The following SEPTIN9 variants were observed in gnomAD, a reference collection of about 807,000 sequenced individuals.
SEPTIN9 encodes the protein septin-9.
A neutral mutation model predicts 56.6 loss-of-function variants in SEPTIN9; 13 were observed. That is an observed-to-expected ratio of 0.23 (90% CI 0.15 to 0.37). The LOEUF (loss-of-function observed/expected upper bound fraction) is 0.37, where lower values mean the gene tolerates loss of function less well. Ranked by LOEUF, SEPTIN9 falls within the 10% of genes least tolerant of loss-of-function variation. The pLI, the probability that SEPTIN9 is intolerant of heterozygous loss-of-function variation, is 1.00. For synonymous variants in SEPTIN9, 332 were observed against 334.1 expected (o/e 0.99, Z 0.07); for missense variants, 650 against 823.1 (o/e 0.79, Z 2.57).
rs749011325 is a variant in SEPTIN9, at chr17:77,369,118, G to A, written c.77-32941G>A. Among the ~76,000 whole-genome samples the A allele has an allele frequency of 2.6e-5, 4 of 152,030 alleles. No individual in the cohort carries two copies. Among genetic ancestry groups the A allele is most frequent in the African/African-American group, 9.7e-5 (4 of 41,378 alleles). On this transcript the variant is annotated intron_variant, in intron 2 of 11. Transcript: ENST00000427177. The surrounding 1 kb of genome is among the most constrained non-coding windows in gnomAD (Gnocchi z 4.9). Reference sequence around the variant, plus strand: ...GAGTGGTGGCGGGTGCCTGTAATCCGAGCTACTTGGGAGGCTGAGGCAGGA... The same window carrying A: ...GAGTGGTGGCGGGTGCCTGTAATCCAAGCTACTTGGGAGGCTGAGGCAGGA...
intron 2 of SEPTIN9, among the ~76,000 whole-genome samples, chr17:77,370,192 C>T (rs1046999792): frequency 6.6e-6 from 1 of 152,184 alleles, no homozygotes; most frequent in South Asian, 2.1e-4. Flanking sequence ...GGAATGTGTC[C>T]TCTCACAGTT....
chr17:77,475,992 A>T lies in SEPTIN9; in HGVS notation c.722-6152A>T. ...AAGACAGGGGAATGGCATTGACTTG[A>T]CCCTGAGCACTTTGTCCTGGGGTGC... On this transcript the variant is annotated intron_variant, in intron 3 of 11. Coordinates refer to ENST00000427177, the MANE Select transcript of SEPTIN9 (RefSeq NM_001113491.2). The surrounding 1 kb of genome is among the most constrained non-coding windows in gnomAD (Gnocchi z 4.6). The T allele has an allele frequency of 7.2e-7, 1 of 1,382,624 alleles. No homozygotes were observed. The highest frequency in any genetic ancestry group is 1.0e-6 in the Non-Finnish European group (1 of 1,001,664). 85.6% of individuals were successfully genotyped at this position (1,382,624 alleles called of 1,614,324 possible).
Position 77,497,295 on chromosome 17 carries a change from C to T in SEPTIN9, c.1574-20C>T. On this transcript the variant is annotated intron_variant, in intron 10 of 11. Transcript: ENST00000427177. ...GTTTCTCCACTGGGACATTAAAGCCCCTCCTGTCTCCTCTCCTAGTTGAAA... is the reference window on the plus strand; with the variant it reads ...GTTTCTCCACTGGGACATTAAAGCCTCTCCTGTCTCCTCTCCTAGTTGAAA... The T allele has an allele frequency of 1.9e-6, 3 of 1,612,146 alleles. No homozygotes were observed. The highest frequency in any genetic ancestry group is 2.5e-6 in the Non-Finnish European group (3 of 1,178,812).
rs1197744869 is a variant in SEPTIN9 at position 77,405,594 on chromosome 17, G to A, written c.721+2891G>A. Among the ~76,000 whole-genome samples the A allele has an allele frequency of 1.3e-5, 2 of 152,180 alleles. No homozygotes were observed. The highest frequency in any genetic ancestry group is 4.8e-5 in the African/African-American group (2 of 41,446). ...GTGGGCTGGGCTGACAGTCCTGAGG[G>A]CCTAAGCAAGTCCAGGTGGAGGAAA... is the stretch of plus-strand genomic sequence containing the variant. On this transcript the variant is annotated intron_variant, in intron 3 of 11. Coordinates refer to ENST00000427177, the MANE Select transcript of SEPTIN9 (RefSeq NM_001113491.2). The surrounding 1 kb of genome is among the most constrained non-coding windows in gnomAD (Gnocchi z 5.8).
At chr17:77,393,338 C>T (rs1164500433) in intron 2 of SEPTIN9, among the ~76,000 whole-genome samples, 2 of 152,172 alleles carry the variant, frequency 1.3e-5, no homozygotes, top group Non-Finnish European at 2.9e-5. Flanking sequence ...GCACTGCTCA[C>T]TCCTTCCAGC....
At chr17:77,355,420 C>T (rs746391544) in intron 2 of SEPTIN9, among the ~76,000 whole-genome samples, 5 of 152,214 alleles carry the variant, frequency 3.3e-5, no homozygotes, top group Non-Finnish European at 7.3e-5. Context: ...TGTGCCCCTC[C>T]CTGCTGCCAG....
chr17:77,464,040 T>A (rs1427153692), intron 3 of SEPTIN9, among the ~76,000 whole-genome samples: 1 of 151,886 alleles, frequency 6.6e-6, no homozygotes, highest in Non-Finnish European at 1.5e-5. Flanking sequence ...TGCTTAGAAA[T>A]AACTGCAGGA....
At chr17:77,413,505 C>T (rs917406859) in intron 3 of SEPTIN9, among the ~76,000 whole-genome samples, 2 of 152,186 alleles carry the variant, frequency 1.3e-5, no homozygotes, top group African/African-American at 2.4e-5. Context: ...CAGCAGAGCA[C>T]GATCGATCAG....
In SEPTIN9 at chr17:77,451,389, T is replaced by G. The variant is rs2144407810; in HGVS notation, c.722-30755T>G. On this transcript the variant is annotated intron_variant, in intron 3 of 11. Transcript: ENST00000427177. This position sits in a 1 kb window ranked among gnomAD's most constrained non-coding sequence, Gnocchi z 4.2. ...CAGGCAGTCGAGGTCCCTCCCTACC[T>G]CTGCCCCGCGCTCTGGGAGGCTCCT... 3.0e-6 allele frequency: 3 copies of G among 985,570 alleles called. No individual in the cohort carries two copies. Among genetic ancestry groups the G allele is most frequent in the Non-Finnish European group, 3.6e-6 (3 of 830,104 alleles). 61.1% of individuals were successfully genotyped at this position (985,570 alleles called of 1,614,324 possible). A position where few individuals can be genotyped will look rare whatever the true frequency, so the allele number is the denominator to read the frequency against.
In SEPTIN9 at chr17:77,475,298, G is replaced by A. The variant is rs1238437277; in HGVS notation, c.722-6846G>A. The A allele has an allele frequency of 1.8e-5, 26 of 1,419,054 alleles. No individual in the cohort carries two copies. Among genetic ancestry groups the A allele is most frequent in the Admixed American group, 8.8e-5 (3 of 34,184 alleles). 87.9% of individuals were successfully genotyped at this position (1,419,054 alleles called of 1,614,324 possible). A position where few individuals can be genotyped will look rare whatever the true frequency, so the allele number is the denominator to read the frequency against. On this transcript the variant is annotated intron_variant, in intron 3 of 11. Transcript: ENST00000427177. This position sits in a 1 kb window ranked among gnomAD's most constrained non-coding sequence, Gnocchi z 4.6. ...CAGAGAGCAGGCTCTGTGTGGGAGCGGGGAGGGCAAGCCCTGGTTGCGAGG... is the reference window on the plus strand; with the variant it reads ...CAGAGAGCAGGCTCTGTGTGGGAGCAGGGAGGGCAAGCCCTGGTTGCGAGG...
chr17:77,413,224 C>CAT (rs1194342002), intron 3 of SEPTIN9, among the ~76,000 whole-genome samples: 1 of 152,018 alleles, frequency 6.6e-6, no homozygotes, highest in Non-Finnish European at 1.5e-5. Context: ...TAAGCAGCAA[C>CAT]ATAATAATCT....
chr17:77,438,673 C>T (rs1209433043), intron 3 of SEPTIN9, among the ~76,000 whole-genome samples: 2 of 152,210 alleles, frequency 1.3e-5, no homozygotes, highest in Non-Finnish European at 1.5e-5. Flanking sequence ...CCTGCAGCCT[C>T]GGGAGGGTGC....
chr17:77,383,923 T>C (rs929242743), intron 2 of SEPTIN9, among the ~76,000 whole-genome samples: 2 of 152,250 alleles, frequency 1.3e-5, no homozygotes, highest in Non-Finnish European at 2.9e-5. Flanking sequence ...AATCACTGTC[T>C]TCAGGTATGG....
rs1333009394 is a variant in SEPTIN9, at chr17:77,319,451, T to C, written c.76+12254T>C. The C allele has an allele frequency of 3.1e-6, 2 of 652,944 alleles. No individual in the cohort carries two copies. The highest frequency in any genetic ancestry group is 1.4e-4 in the East Asian group (2 of 13,874). The allele number at this position is 652,944 out of a possible 1,614,324, so 40.4% of individuals were successfully genotyped here. A position where few individuals can be genotyped will look rare whatever the true frequency, so the allele number is the denominator to read the frequency against. On this transcript the variant is annotated intron_variant, in intron 2 of 11. Transcript: ENST00000427177. This position sits in a 1 kb window ranked among gnomAD's most constrained non-coding sequence, Gnocchi z 5.3. ...AGAGACTCACTGACTCATGCGTGTG[T>C]GGTAGGAATCTTCCAGGAAGTCCCC...
chr17:77,421,875 G>GTC lies in SEPTIN9; in HGVS notation c.721+19180_721+19181dup, dbSNP rs930090364. Among the ~76,000 whole-genome samples, 5 of 151,412 alleles carry GTC rather than the reference G, an allele frequency of 3.3e-5. No homozygotes were observed. Among genetic ancestry groups the GTC allele is most frequent in the Admixed American group, 6.6e-5 (1 of 15,190 alleles). ...GAGTGTAGGGATTTTTTTTGAGACG[G>GTC]TCTCTCTCTGTCGCCCAGGCTGGAG... is the stretch of plus-strand genomic sequence containing the variant. On this transcript the variant is annotated intron_variant, in intron 3 of 11. Coordinates refer to ENST00000427177, the MANE Select transcript of SEPTIN9 (RefSeq NM_001113491.2). This position sits in a 1 kb window ranked among gnomAD's most constrained non-coding sequence, Gnocchi z 4.6.
At chr17:77,298,726 G>A (rs752284102) in intron 1 of SEPTIN9, among the ~76,000 whole-genome samples, 1 of 152,304 alleles carries the variant, frequency 6.6e-6, no homozygotes, top group South Asian at 2.1e-4. Flanking sequence ...CTGCCTTTCT[G>A]CATCTCATTG....
Position 77,367,442 on chromosome 17 carries a change from G to A in SEPTIN9, c.77-34617G>A, listed in dbSNP as rs1041447521. On this transcript the variant is annotated intron_variant, in intron 2 of 11. Transcript: ENST00000427177. The surrounding 1 kb of genome is among the most constrained non-coding windows in gnomAD (Gnocchi z 4.5). ...CTGCGCTTTGTCATTGCACAGGATC[G>A]AACAGGTGTGTGTGGAGTCCCTAAA... Among the ~76,000 whole-genome samples, 4 of 152,164 alleles carry A rather than the reference G, an allele frequency of 2.6e-5. No individual in the cohort carries two copies. Among genetic ancestry groups the A allele is most frequent in the African/African-American group, 2.4e-5 (1 of 41,434 alleles).
At chr17:77,373,873 G>A (rs1050806584) in intron 2 of SEPTIN9, 4 of 319,064 alleles carry the variant, frequency 1.3e-5, no homozygotes, top group Admixed American at 5.1e-5. Context: ...CGACCTCCTC[G>A]AGGGCTCGCG....
intron 2 of SEPTIN9, among the ~76,000 whole-genome samples, chr17:77,360,851 C>T (rs903623369): frequency 5.3e-5 from 8 of 151,958 alleles, no homozygotes; most frequent in South Asian, 4.1e-4. Flanking sequence ...CCACTGCGCC[C>T]GGCCTAGGGT....
Sources: allele counts gnomAD v4.1 joint callset (sites outside exome capture counted in the v4.1 genomes callset), GRCh38; gene constraint gnomAD v4.1.1; non-coding constraint Gnocchi (gnomAD v3.1); transcripts MANE v1.5; gene names NCBI Gene and HGNC (gene_info 2026-07-23, HGNC 2026-07-21).